The following TIAM2 variants were observed in gnomAD, a reference collection of about 807,000 sequenced individuals.
TIAM2 encodes the protein TIAM Rac1 associated GEF 2.
In TIAM2, 80 loss-of-function variants were observed where a neutral mutation model predicts 152.9. The observed-to-expected ratio is 0.52, with a 90% CI of 0.44 to 0.63. TIAM2 has a LOEUF of 0.63. Ranked by LOEUF, TIAM2 falls within the 30% of genes least tolerant of loss-of-function variation. TIAM2 has a pLI of 0.00. For synonymous variants in TIAM2, 804 were observed against 838.0 expected (o/e 0.96, Z 0.70); for missense variants, 1,965 against 2,120.1 (o/e 0.93, Z 1.44).
At chr6:155,194,357 A>G (rs1781283536) in intron 14 of TIAM2, among the ~76,000 whole-genome samples, 2 of 152,154 alleles carry the variant, frequency 1.3e-5, no homozygotes, top group Non-Finnish European at 2.9e-5. Context: ...ATCCACAGGG[A>G]AAAGATGATC....
At chr6:155,057,540 A>ATT (rs1777481235) in intron 1 of TIAM2, among the ~76,000 whole-genome samples, 1 of 68,734 alleles carries the variant, frequency 1.5e-5, no homozygotes, top group Admixed American at 1.6e-4. Context: ...TCCATAATGT[A>ATT]CTTTTTTTTT....
chr6:155,202,308 AAGG>A (rs1452174461), intron 14 of TIAM2, among the ~76,000 whole-genome samples: 1 of 152,260 alleles, frequency 6.6e-6, no homozygotes, highest in East Asian at 1.9e-4. Context: ...TCATTAGTGA[AAGG>A]TGGCACAAAC....
chr6:155,116,325 G>C (rs1329362026), intron 2 of TIAM2, among the ~76,000 whole-genome samples: 1 of 152,066 alleles, frequency 6.6e-6, no homozygotes, highest in East Asian at 1.9e-4. Context: ...AGCAATGATT[G>C]GTTAATTTAC....
chr6:155,245,265 C>G (rs11760104), intron 18 of TIAM2, among the ~76,000 whole-genome samples: 51,829 of 152,210 alleles, frequency 0.34, 9,606 homozygotes, highest in Middle Eastern at 0.5. Flanking sequence ...GACCTGGAAC[C>G]ATACAGACAG....
intron 1 of TIAM2, among the ~76,000 whole-genome samples, chr6:155,049,036 A>G (rs1446463255): frequency 2.0e-5 from 3 of 152,010 alleles, no homozygotes; most frequent in Non-Finnish European, 4.4e-5. Context: ...CCTGACCTCA[A>G]GTGATCCGCC....
At chr6:155,198,713 A>G (rs1038798166) in intron 14 of TIAM2, among the ~76,000 whole-genome samples, 2 of 150,902 alleles carry the variant, frequency 1.3e-5, no homozygotes, top group Admixed American at 6.6e-5. Context: ...AGTTAAGGCA[A>G]CGTTCTTAAG....
chr6:155,120,058 A>T (rs1330582920), intron 2 of TIAM2, among the ~76,000 whole-genome samples: 1 of 152,206 alleles, frequency 6.6e-6, no homozygotes, highest in East Asian at 1.9e-4. Context: ...GATGTTTTCT[A>T]AAACAGGTGT....
chr6:154,999,201 AAATT>A (rs71021101), intron 1 of TIAM2, among the ~76,000 whole-genome samples: 2 of 149,804 alleles, frequency 1.3e-5, no homozygotes, highest in Non-Finnish European at 3.0e-5. Context: ...TGCTATAGGA[AAATT>A]AATTAATTAA....
At chr6:155,123,181 G>A (rs1287869431) in intron 2 of TIAM2, among the ~76,000 whole-genome samples, 1 of 139,362 alleles carries the variant, frequency 7.2e-6, no homozygotes, top group East Asian at 3.0e-4. Context: ...TACTGTTTAA[G>A]GCTGTTTTTT....
chr6:155,211,130 G>C (rs1781707380), intron 14 of TIAM2, 74 bp from the exon 15 acceptor site: 1 of 1,338,374 alleles, frequency 7.5e-7, no homozygotes, highest in African/African-American at 1.5e-5. Flanking sequence ...TTCTCCATGT[G>C]AGCCTTTAAA....
intron 1 of TIAM2, among the ~76,000 whole-genome samples, chr6:155,054,042 A>G (rs534083679): frequency 6.6e-6 from 1 of 152,196 alleles, no homozygotes; most frequent in Non-Finnish European, 1.5e-5. Flanking sequence ...GCATGGTGGC[A>G]GGCACCTGTA....
rs1562316977 is a variant in TIAM2, at chr6:155,104,056, C to CACACACA, written c.-118+13677_-118+13678insACACACA. Among the ~76,000 whole-genome samples, 527 of 55,620 alleles carry CACACACA rather than the reference C, an allele frequency of 9.5e-3. 38 individuals are homozygous for CACACACA. The highest frequency in any genetic ancestry group is 0.043 in the African/African-American group (495 of 11,520). 36.5% of individuals were successfully genotyped at this position (55,620 alleles called of 152,430 possible). A position where few individuals can be genotyped will look rare whatever the true frequency, so the allele number is the denominator to read the frequency against. ...CACACACACACCCCCCCCCCCACAC[C>CACACACA]CCCACACACCCCCACACACCAAATT... On this transcript the variant is annotated intron_variant, in intron 2 of 26. Transcript: ENST00000682666.
At position 155,176,910 on chromosome 6, in the gene TIAM2, A is replaced by G. The variant is rs371571610; in HGVS notation, c.2456A>G (p.Asn819Ser). ...CAGACTTATGTCCACTTTCAGGACA[A>G]TCACGGAGTTACTGTAGGGATCAAG... is the stretch of plus-strand genomic sequence containing the variant. ...EIQTYVHFQD[N>S]HGVTVGIKPE... The change falls in exon 10 of 27, where the codon AAT (asparagine) becomes AGT (serine). Residue 819 changes from asparagine (N) to serine (S), a missense_variant. Coordinates refer to ENST00000682666, the MANE Select transcript of TIAM2 (RefSeq NM_012454.4). The G allele has an allele frequency of 1.9e-6, 3 of 1,614,020 alleles. No homozygotes were observed. In the African/African-American group the frequency reaches 4.0e-5, roughly 22 times the overall value.
chr6:155,123,161 T>G (rs1779211917), intron 2 of TIAM2, among the ~76,000 whole-genome samples: 1 of 151,096 alleles, frequency 6.6e-6, no homozygotes, highest in South Asian at 2.1e-4. Context: ...ATTGGATAAA[T>G]TCTTCCTCCT....
chr6:155,217,919 T>C (rs1781903715), intron 15 of TIAM2, among the ~76,000 whole-genome samples: 1 of 152,250 alleles, frequency 6.6e-6, no homozygotes, highest in East Asian at 1.9e-4. Flanking sequence ...TAATTTCTGC[T>C]CACCCACTTG....
chr6:155,047,532 C>A (rs961656303), intron 1 of TIAM2, among the ~76,000 whole-genome samples: 3 of 152,072 alleles, frequency 2.0e-5, no homozygotes, highest in Non-Finnish European at 4.4e-5. Context: ...AGGAGAAATC[C>A]TATCGCCACA....
intron 1 of TIAM2, among the ~76,000 whole-genome samples, chr6:155,052,530 C>T (rs958321533): frequency 4.6e-5 from 7 of 151,970 alleles, no homozygotes; most frequent in African/African-American, 1.7e-4. Flanking sequence ...CTTTGGGAGG[C>T]CAAGGCAGGC....
At chr6:155,141,095 T>C (rs935962673) in intron 5 of TIAM2, among the ~76,000 whole-genome samples, 5 of 152,216 alleles carry the variant, frequency 3.3e-5, no homozygotes, top group African/African-American at 1.2e-4. Flanking sequence ...AGATTTGTAG[T>C]CTTGGCTAGG....
chr6:154,996,356 AG>A (rs1309976055), intron 1 of TIAM2, among the ~76,000 whole-genome samples: 2 of 152,178 alleles, frequency 1.3e-5, no homozygotes, highest in Non-Finnish European at 2.9e-5. Context: ...AATTTCATTC[AG>A]GGGGAGGTTT....
Sources: allele counts gnomAD v4.1 joint callset (sites outside exome capture counted in the v4.1 genomes callset), GRCh38; gene constraint gnomAD v4.1.1; transcripts MANE v1.5; gene names NCBI Gene and HGNC (gene_info 2026-07-23, HGNC 2026-07-21).